Variants in MYOM3 observed in about 807,000 individuals in gnomAD.
MYOM3 encodes the protein myomesin-3.
Under a neutral mutation model 191.7 loss-of-function variants are expected in MYOM3, and 155 were observed. That is an observed-to-expected ratio of 0.81 (90% CI 0.71 to 0.92). The LOEUF is 0.92. MYOM3 is among the 40% of genes least tolerant of loss of function. The pLI, the probability that MYOM3 is intolerant of heterozygous loss-of-function variation, is 0.00. For missense variants in MYOM3, 1,889 were observed against 1,890.6 expected, an observed-to-expected ratio of 1.00 and a Z score of 0.02; for synonymous variants, 757 against 762.9, an observed-to-expected ratio of 0.99 and a Z score of 0.13.
chr1:24,107,096 C>A lies in MYOM3; in HGVS notation c.379G>T (p.Asp127Tyr), dbSNP rs747462631. The part of the protein sequence containing the change: ...QTHRLLRQRR[D>Y]WKTLRRRTEE... ...ACCCGCCGCCTCAGCGTCTTCCAGT[C>A]CCGCCTCTGGCGCAGCAGCCGGTGG... Residue 127 changes from aspartate (D) to tyrosine (Y), a missense_variant, in exon 4 of 37, where the codon GAC becomes TAC. Transcript: ENST00000374434. 6.2e-7 allele frequency: 1 copy of A among 1,611,074 alleles called. No individual in the cohort carries two copies. The highest frequency in any genetic ancestry group is 8.5e-7 in the Non-Finnish European group (1 of 1,178,846).
intron 19 of MYOM3, 144 bp from the exon 20 acceptor site, chr1:24,080,338 G>A (rs1032236747): frequency 6.8e-5 from 44 of 642,440 alleles, no homozygotes; most frequent in African/African-American, 1.9e-4. Flanking sequence ...TCTGGGTGTC[G>A]CCAAGCCCGG....
intron 5 of MYOM3, among the ~76,000 whole-genome samples, chr1:24,105,068 A>ACCCCTG (rs372805685): frequency 2.6e-3 from 388 of 151,498 alleles, no homozygotes; most frequent in African/African-American, 8.4e-3. Flanking sequence ...TGTGCAGGAG[A>ACCCCTG]CCCCTGCCCC....
rs973531851 is a variant in MYOM3, at chr1:24,111,173, G to C, written c.-19+858C>G. On this transcript the variant is annotated intron_variant, in intron 1 of 36. Transcript: ENST00000374434. This position sits in a 1 kb window ranked among gnomAD's most constrained non-coding sequence, Gnocchi z 4.7. Reference sequence around the variant, plus strand: ...CCAGGGTGCCTCTTCCCGGAACACTGTGTGTGCCTGCGTGGAGGGGAAACT... The same window carrying C: ...CCAGGGTGCCTCTTCCCGGAACACTCTGTGTGCCTGCGTGGAGGGGAAACT... Among the ~76,000 whole-genome samples, 1 of 152,234 alleles carries C rather than the reference G, an allele frequency of 6.6e-6. No homozygotes were observed. Among genetic ancestry groups the C allele is most frequent in the African/African-American group, 2.4e-5 (1 of 41,460 alleles).
Position 24,061,942 on chromosome 1 carries a change from T to C in MYOM3, c.3934+4A>G, listed in dbSNP as rs1643374237. 4 of 1,614,148 alleles carry C rather than the reference T, an allele frequency of 2.5e-6. No homozygotes were observed. The East Asian group carries it at 8.9e-5, about 36-fold the overall frequency. The stretch of plus-strand genomic sequence containing the variant: ...TTCCCTGCAGACATAGGTGGATGGC[T>C]CACCTTGCCCTGAGAGATCTGTTGA... On this transcript the variant is annotated splice_donor_region_variant and intron_variant, in intron 33 of 36. Transcript: ENST00000374434.
chr1:24,077,836 C>A (rs896096546), intron 20 of MYOM3, among the ~76,000 whole-genome samples: 1 of 152,200 alleles, frequency 6.6e-6, no homozygotes, highest in Non-Finnish European at 1.5e-5. Context: ...CCTGGGCCAA[C>A]CTACATGCGG....
At position 24,063,644 on chromosome 1, in the gene MYOM3, A is replaced by G. The variant is rs1643399786; in HGVS notation, c.3623-114T>C. 1 of 1,187,202 alleles carries G rather than the reference A, an allele frequency of 8.4e-7. No individual in the cohort carries two copies. Among genetic ancestry groups the G allele is most frequent in the African/African-American group, 1.5e-5 (1 of 66,488 alleles). 73.5% of individuals were successfully genotyped at this position (1,187,202 alleles called of 1,614,324 possible). On this transcript the variant is annotated intron_variant, in intron 30 of 36. Coordinates refer to ENST00000374434, the MANE Select transcript of MYOM3 (RefSeq NM_152372.4). The surrounding 1 kb of genome is among the most constrained non-coding windows in gnomAD (Gnocchi z 4.5). ...GAGCCCGTGAGCTGCTCTCAGGGGG[A>G]CAGGCAACTCTGTAGGATGACTCTC... is the stretch of plus-strand genomic sequence containing the variant.
intron 19 of MYOM3, 55 bp from the exon 20 acceptor site, chr1:24,080,249 G>A (rs1643651165): frequency 2.1e-6 from 3 of 1,439,386 alleles, no homozygotes; most frequent in African/African-American, 1.4e-5. Context: ...CAGGCAGCCA[G>A]CCAGGTAAGC....
At chr1:24,072,074 G>A in intron 23 of MYOM3, 61 bp from the exon 24 acceptor site, 3 of 1,543,296 alleles carry the variant, frequency 1.9e-6, no homozygotes, top group African/African-American at 1.4e-5. Context: ...TCGGGGGTGG[G>A]GGGCCCACAG....
At position 24,084,565 on chromosome 1, in the gene MYOM3, C is replaced by A; in HGVS notation, c.1873G>T (p.Val625Leu). ...QTSVSLTWDP[V>L]KDPELLGYYI... ...TAACCCAGGAGCTCTGGGTCTTTCA[C>A]AGGATCCCATGTCAGGGAGACAGAG... The change falls in exon 16 of 37, where the codon GTG becomes TTG. Residue 625 changes from valine (V) to leucine (L), a missense_variant. Transcript: ENST00000374434. 1 of 1,614,078 alleles carries A rather than the reference C, an allele frequency of 6.2e-7. No homozygotes were observed.
Position 24,061,260 on chromosome 1 carries a change from A to G in MYOM3, c.3971+13T>C. 6.2e-7 allele frequency: 1 copy of G among 1,613,952 alleles called. No individual in the cohort carries two copies. Among genetic ancestry groups the G allele is most frequent in the Non-Finnish European group, 8.5e-7 (1 of 1,179,824 alleles). ...GCCTATAATTCACACTGAGAAATGT[A>G]GAGGAAACTTACTTCAGTCTCTGGT... On this transcript the variant is annotated intron_variant, in intron 34 of 36. Coordinates refer to ENST00000374434, the MANE Select transcript of MYOM3 (RefSeq NM_152372.4).
chr1:24,103,495 TAAAAG>T (rs1423983651), intron 5 of MYOM3, among the ~76,000 whole-genome samples: 21 of 152,276 alleles, frequency 1.4e-4, no homozygotes, highest in Admixed American at 6.5e-4. Flanking sequence ...GAACAGGAAT[TAAAAG>T]AAAGTAAAGA....
intron 5 of MYOM3, among the ~76,000 whole-genome samples, chr1:24,102,383 C>T (rs1643943834): frequency 6.6e-6 from 1 of 152,126 alleles, no homozygotes; most frequent in African/African-American, 2.4e-5. Flanking sequence ...TCAGCCTGGC[C>T]AGCTCTGCTT....
rs776198498 is a variant in MYOM3, at chr1:24,082,661, G to A, written c.2024C>T (p.Ser675Leu). Residue 675 changes from serine (S) to leucine (L), a missense_variant, in exon 17 of 37, where the codon TCA (serine) becomes TTA (leucine). Physicochemically the swap from Ser to Leu is moderately radical, Grantham distance 145. Transcript: ENST00000374434. Reference sequence around the variant, plus strand: ...CTCGCCTACCCCAGCCTCGCTGACTGACCTGACACAAAACTCGTACTCCTT... The same window carrying A: ...CTCGCCTACCCCAGCCTCGCTGACTAACCTGACACAAAACTCGTACTCCTT... ...TGKEYEFCVR[S>L]VSEAGVGESS... 74 of 1,612,458 alleles carry A rather than the reference G, an allele frequency of 4.6e-5. 2 individuals are homozygous for A. In the South Asian group the frequency reaches 7.7e-4, roughly 17 times the overall value.
intron 2 of MYOM3, 31 bp downstream of exon 2, chr1:24,108,445 A>G (rs1644012714): frequency 1.3e-6 from 2 of 1,513,492 alleles, no homozygotes; most frequent in Non-Finnish European, 1.8e-6. Context: ...GGAACAGGGC[A>G]GTGGCTGGGC....
intron 1 of MYOM3, among the ~76,000 whole-genome samples, chr1:24,110,759 G>A (rs149473415): frequency 2.6e-5 from 4 of 152,186 alleles, no homozygotes; most frequent in Non-Finnish European, 4.4e-5. Flanking sequence ...CCTCCCGATG[G>A]AAGAAGTTCT....
chr1:24,063,189 A>T lies in MYOM3; in HGVS notation c.3707T>A (p.Ile1236Asn). ...GTACTTGACCTTGCTGAAGATCCGG[A>T]TCCCTTCCTCGGTCCCCTGGATTTT... is the stretch of plus-strand genomic sequence containing the variant. Reference protein sequence around the residue: ...PLKIQGTEEGIRIFSKVKYYN... With the variant: ...PLKIQGTEEGNRIFSKVKYYN... The change falls in exon 32 of 37, where the codon ATC becomes AAC. Residue 1236 changes from isoleucine to asparagine, a missense_variant. Transcript: ENST00000374434. The surrounding 1 kb of genome is among the most constrained non-coding windows in gnomAD (Gnocchi z 4.5). 1.9e-6 allele frequency: 3 copies of T among 1,613,978 alleles called. No homozygotes were observed. The highest frequency in any genetic ancestry group is 2.7e-5 in the African/African-American group (2 of 75,006).
intron 25 of MYOM3, among the ~76,000 whole-genome samples, chr1:24,069,113 C>G (rs532869592): frequency 6.6e-6 from 1 of 152,294 alleles, no homozygotes; most frequent in African/African-American, 2.4e-5. Flanking sequence ...ACTTGCTACC[C>G]AGAATTAACA....
In MYOM3 at chr1:24,093,029, G is replaced by A. The variant is rs752889309; in HGVS notation, c.1008C>T (p.Tyr336=). ...CCATGTAGAGCCCCTCGTCCTCCTT[G>A]TAGGTGCAGGACACCTTCAGGGATG... ...RQASLKVSCT[Y]KEDEGLYMVR... The change falls in exon 10 of 37, where the codon TAC becomes TAT. Residue 336 remains tyrosine, a synonymous_variant. Coordinates refer to ENST00000374434, the MANE Select transcript of MYOM3 (RefSeq NM_152372.4). 26 of 1,613,246 alleles carry A rather than the reference G, an allele frequency of 1.6e-5. No homozygotes were observed. The highest frequency in any genetic ancestry group is 2.1e-5 in the Non-Finnish European group (25 of 1,179,840).
chr1:24,072,099 T>A, intron 23 of MYOM3, 86 bp from the exon 24 acceptor site: 1 of 1,373,916 alleles, frequency 7.3e-7, no homozygotes, highest in Non-Finnish European at 1.0e-6. Context: ...CGTCCTAGGA[T>A]CCTGTGCTGG....
Sources: allele counts gnomAD v4.1 joint callset (sites outside exome capture counted in the v4.1 genomes callset), GRCh38; gene constraint gnomAD v4.1.1; non-coding constraint Gnocchi (gnomAD v3.1); transcripts MANE v1.5; gene names NCBI Gene and HGNC (gene_info 2026-07-23, HGNC 2026-07-21).